NFIX: variants seen among roughly 807,000 people sequenced by gnomAD.
NFIX encodes nuclear factor 1 X-type.
In NFIX, 2 loss-of-function variants were observed where a neutral mutation model predicts 53.3. That is an observed-to-expected ratio of 0.04 (90% CI 0.02 to 0.12). The LOEUF is 0.12. NFIX is among the 10% of genes least tolerant of loss of function. The probability of loss-of-function intolerance (pLI) is 1.00; values close to 1 mark genes in which losing one functional copy is unlikely to be tolerated. For synonymous variants in NFIX, 244 were observed against 289.0 expected (o/e 0.84, Z 1.58); for missense variants, 310 against 674.5 (o/e 0.46, Z 5.99).
chr19:13,041,264 G>C (rs1286872558), intron 2 of NFIX, among the ~76,000 whole-genome samples: 3 of 152,122 alleles, frequency 2.0e-5, no homozygotes, highest in African/African-American at 7.2e-5. Flanking sequence ...TGCCTGGTAC[G>C]TACAGTCCCT....
Position 13,054,149 on chromosome 19 carries a change from C to T in NFIX, c.560-18898C>T, listed in dbSNP as rs74748217. On this transcript the variant is annotated intron_variant, in intron 2 of 10. Transcript: ENST00000592199. The stretch of plus-strand genomic sequence containing the variant: ...GTCCTCCCCCAGTTCCCGTCTCTAC[C>T]GTGGACAGATCTGGACAGAGAAGGG... Among the ~76,000 whole-genome samples the T allele has an allele frequency of 7.7e-3, 1,179 of 152,292 alleles. 11 individuals are homozygous for T. Among genetic ancestry groups the T allele is most frequent in the African/African-American group, 0.026 (1,083 of 41,542 alleles).
At chr19:13,024,113 C>CCAA in intron 1 of NFIX, 1 of 412,068 alleles carries the variant, frequency 2.4e-6, no homozygotes, top group East Asian at 4.7e-5. Context: ...AGCAAACAAC[C>CCAA]AAAAAAAAAA....
Position 13,098,539 on chromosome 19 carries a change from TC to T in NFIX, c.*3891del, listed in dbSNP as rs1252678361. ...CTCCTTCAGCCTGGTCTCCCCCTCT[TC>T]TCTGCCCTCCACCCCCGTCTCTGCA... On this transcript the variant is annotated 3_prime_UTR_variant, in exon 11 of 11. Transcript: ENST00000592199. The T allele has an allele frequency of 6.8e-6, 1 of 146,562 alleles. No homozygotes were observed. Among genetic ancestry groups the T allele is most frequent in the Non-Finnish European group, 1.5e-5 (1 of 66,866 alleles). The allele number at this position is 146,562 out of a possible 1,614,324, so 9.1% of individuals were successfully genotyped here.
At position 13,081,734 on chromosome 19, in the gene NFIX, A is replaced by C. The variant is rs774072141; in HGVS notation, c.1133A>C (p.Gln378Pro). The change falls in exon 8 of 11, where the codon CAG (glutamine) becomes CCG (proline). Residue 378 changes from glutamine (Q) to proline (P), a missense_variant. Physicochemically the swap from Gln to Pro is moderately conservative, Grantham distance 76. Transcript: ENST00000592199. The surrounding 1 kb of genome is among the most constrained non-coding windows in gnomAD (Gnocchi z 4.7). ...CACTTCCCCTCCACGTCCATCATCC[A>C]GCAGTCGAGCCCGTATTTCACGCAC... ...ALHFPSTSII[Q>P]QSSPYFTHPT... The C allele has an allele frequency of 6.2e-7, 1 of 1,613,818 alleles. No homozygotes were observed. Among genetic ancestry groups the C allele is most frequent in the East Asian group, 2.2e-5 (1 of 44,872 alleles).
At position 13,021,277 on chromosome 19, in the gene NFIX, T is replaced by C. The variant is rs915186695; in HGVS notation, c.28-3744T>C. On this transcript the variant is annotated intron_variant, in intron 1 of 10. Transcript: ENST00000592199. The surrounding 1 kb of genome is among the most constrained non-coding windows in gnomAD (Gnocchi z 4.2). ...GGCCTGTCTCTGATACCACCTGCCT[T>C]CTGTACTCTCACCTCTAACCGTTTC... is the stretch of plus-strand genomic sequence containing the variant. Among the ~76,000 whole-genome samples the C allele has an allele frequency of 2.0e-5, 3 of 152,164 alleles. No individual in the cohort carries two copies. The highest frequency in any genetic ancestry group is 7.2e-5 in the African/African-American group (3 of 41,442).
At chr19:13,058,140 T>C (rs866589603) in intron 2 of NFIX, among the ~76,000 whole-genome samples, 18 of 152,064 alleles carry the variant, frequency 1.2e-4, no homozygotes, top group African/African-American at 4.1e-4. Context: ...AGCTCCTGCT[T>C]CTCTGGAGCC....
In NFIX at chr19:13,074,046, C is replaced by T. The variant is rs754607406; in HGVS notation, c.818+20C>T. On this transcript the variant is annotated intron_variant, in intron 5 of 10. Transcript: ENST00000592199. ...CACCAGGTAAGCCCAGTGGCCCTGC[C>T]TTTCCATCTTCTCTCCACTCCCCCC... 6.2e-7 allele frequency: 1 copy of T among 1,613,524 alleles called. No individual in the cohort carries two copies. Among genetic ancestry groups the T allele is most frequent in the Non-Finnish European group, 8.5e-7 (1 of 1,179,510 alleles).
chr19:13,037,908 C>T lies in NFIX; in HGVS notation c.559+12356C>T, dbSNP rs1167445828. 1.3e-5 allele frequency among the ~76,000 whole-genome samples: 2 copies of T among 152,122 alleles called. No individual in the cohort carries two copies. Among genetic ancestry groups the T allele is most frequent in the Admixed American group, 6.5e-5 (1 of 15,270 alleles). The stretch of plus-strand genomic sequence containing the variant: ...ATCTCGCCCCCAAACGTCACAAGTG[C>T]GGAGGTGGAGAAACCCAGCCTTAGA... On this transcript the variant is annotated intron_variant, in intron 2 of 10. Transcript: ENST00000592199. This position sits in a 1 kb window ranked among gnomAD's most constrained non-coding sequence, Gnocchi z 4.2.
At position 13,037,017 on chromosome 19, in the gene NFIX, G is replaced by A. The variant is rs903890393; in HGVS notation, c.559+11465G>A. 2.0e-5 allele frequency among the ~76,000 whole-genome samples: 3 copies of A among 152,174 alleles called. No homozygotes were observed. Among genetic ancestry groups the A allele is most frequent in the Non-Finnish European group, 4.4e-5 (3 of 68,018 alleles). On this transcript the variant is annotated intron_variant, in intron 2 of 10. Transcript: ENST00000592199. This position sits in a 1 kb window ranked among gnomAD's most constrained non-coding sequence, Gnocchi z 4.2. ...AGCTTGAGTTGGGGGTGGGTGCTAA[G>A]CCTGGGCTGAACAGGGTGAGGTCTC...
intron 2 of NFIX, among the ~76,000 whole-genome samples, chr19:13,031,459 C>T (rs1025226064): frequency 6.6e-6 from 1 of 152,156 alleles, no homozygotes; most frequent in African/African-American, 2.4e-5. Flanking sequence ...TTCCTGAGAA[C>T]TTGGTTTACT....
rs1278592910 is a variant in NFIX at position 13,049,091 on chromosome 19, A to G, written c.559+23539A>G. Among the ~76,000 whole-genome samples, 1 of 151,792 alleles carries G rather than the reference A, an allele frequency of 6.6e-6. No individual in the cohort carries two copies. The highest frequency in any genetic ancestry group is 2.4e-5 in the African/African-American group (1 of 41,272). On this transcript the variant is annotated intron_variant, in intron 2 of 10. Transcript: ENST00000592199. This position sits in a 1 kb window ranked among gnomAD's most constrained non-coding sequence, Gnocchi z 4.5. ...GACTCTGTCTAAAAAAAAACAAAAC[A>G]AAACAAAAATTAGCCATGCACGGTG...
At chr19:13,035,523 G>A (rs761679459) in intron 2 of NFIX, among the ~76,000 whole-genome samples, 6 of 152,138 alleles carry the variant, frequency 3.9e-5, no homozygotes, top group Non-Finnish European at 7.4e-5. Context: ...AACAGCAGAC[G>A]TTTGTTTCTG....
At position 13,095,472 on chromosome 19, in the gene NFIX, G is replaced by T. The variant is rs2145543100; in HGVS notation, c.*823G>T. ...ACGGCCTCGTCCCAGCCTGGGACAG[G>T]CCCCCTTTCCCCTCTCTCTGCAGGC... On this transcript the variant is annotated 3_prime_UTR_variant, in exon 11 of 11. Transcript: ENST00000592199. 1 of 152,406 alleles carries T rather than the reference G, an allele frequency of 6.6e-6. No individual in the cohort carries two copies. 9.4% of individuals were successfully genotyped at this position (152,406 alleles called of 1,614,324 possible).
chr19:13,037,848 T>A lies in NFIX; in HGVS notation c.559+12296T>A, dbSNP rs1249186453. ...CTATTGGAATCTAGTGGGAAGAGTC[T>A]ACTGCATATGACAGTCCCCCAGGAA... On this transcript the variant is annotated intron_variant, in intron 2 of 10. Coordinates refer to ENST00000592199, the MANE Select transcript of NFIX (RefSeq NM_001365902.3). The surrounding 1 kb of genome is among the most constrained non-coding windows in gnomAD (Gnocchi z 4.2). Among the ~76,000 whole-genome samples, 1 of 152,146 alleles carries A rather than the reference T, an allele frequency of 6.6e-6. No individual in the cohort carries two copies. The highest frequency in any genetic ancestry group is 2.4e-5 in the African/African-American group (1 of 41,422).
rs1285893107 is a variant in NFIX, at chr19:13,024,459, C to T, written c.28-562C>T. On this transcript the variant is annotated intron_variant, in intron 1 of 10. Transcript: ENST00000592199. ...GGGGAGAGGGAAGCCTGATCTGTTT[C>T]CTCACTCGCTTGCTCGTGGATGTCA... 5.6e-5 allele frequency: 82 copies of T among 1,462,400 alleles called. 1 individual carries two copies. The Middle Eastern group carries it at 1.2e-3, about 22-fold the overall frequency. 90.6% of individuals were successfully genotyped at this position (1,462,400 alleles called of 1,614,324 possible). A position where few individuals can be genotyped will look rare whatever the true frequency, so the allele number is the denominator to read the frequency against.
intron 2 of NFIX, among the ~76,000 whole-genome samples, chr19:13,071,824 G>A (rs1421940385): frequency 6.6e-6 from 1 of 152,164 alleles, no homozygotes; most frequent in Non-Finnish European, 1.5e-5. Flanking sequence ...CACCCGGGTG[G>A]GCTGCATCCT....
chr19:13,062,308 GC>G (rs1174656951), intron 2 of NFIX, among the ~76,000 whole-genome samples: 1 of 152,220 alleles, frequency 6.6e-6, no homozygotes, highest in Non-Finnish European at 1.5e-5. Context: ...CGGTGGTTGG[GC>G]TGCAAGAAAG....
Position 13,011,791 on chromosome 19 carries a change from C to T in NFIX, c.28-13230C>T, listed in dbSNP as rs1265444017. Among the ~76,000 whole-genome samples, 2 of 152,198 alleles carry T rather than the reference C, an allele frequency of 1.3e-5. No homozygotes were observed. Among genetic ancestry groups the T allele is most frequent in the African/African-American group, 4.8e-5 (2 of 41,452 alleles). ...AGTGCGCCCCTCGACAGGTGCCCGT[C>T]GCCCACAGGCTCCTTTCATTGTAGC... On this transcript the variant is annotated intron_variant, in intron 1 of 10. Coordinates refer to ENST00000592199, the MANE Select transcript of NFIX (RefSeq NM_001365902.3). The surrounding 1 kb of genome is among the most constrained non-coding windows in gnomAD (Gnocchi z 6.5).
In NFIX at chr19:13,073,566, C is replaced by A; in HGVS notation, c.697+70C>A. 1 of 1,379,498 alleles carries A rather than the reference C, an allele frequency of 7.2e-7. No homozygotes were observed. Among genetic ancestry groups the A allele is most frequent in the Non-Finnish European group, 1.0e-6 (1 of 967,250 alleles). The allele number at this position is 1,379,498 out of a possible 1,614,324, so 85.5% of individuals were successfully genotyped here. The stretch of plus-strand genomic sequence containing the variant: ...GAGGAGGTGGGACCTCATGGGATGT[C>A]CTCCTAATGGGGTCTTAGGGCAGGT... On this transcript the variant is annotated intron_variant, in intron 4 of 10. Transcript: ENST00000592199. The surrounding 1 kb of genome is among the most constrained non-coding windows in gnomAD (Gnocchi z 4.5).
Sources: allele counts gnomAD v4.1 joint callset (sites outside exome capture counted in the v4.1 genomes callset), GRCh38; gene constraint gnomAD v4.1.1; non-coding constraint Gnocchi (gnomAD v3.1); transcripts MANE v1.5; gene names NCBI Gene and HGNC (gene_info 2026-07-23, HGNC 2026-07-21).